Variants in HNF4G observed in about 807,000 individuals in gnomAD.
The protein encoded by HNF4G is hepatocyte nuclear factor 4 gamma.
HNF4G carries 21 observed loss-of-function variants against 50.9 expected under a neutral mutation model. That is an observed-to-expected ratio of 0.41 (90% CI 0.29 to 0.59). The LOEUF is 0.59. HNF4G is among the 20% of genes least tolerant of loss of function. HNF4G has a pLI of 0.26. For synonymous variants in HNF4G, 198 were observed against 185.6 expected (o/e 1.07, Z -0.54); for missense variants, 527 against 559.4 (o/e 0.94, Z 0.58).
At chr8:75,422,745 T>C (rs1168683080) in intron 1 of HNF4G, among the ~76,000 whole-genome samples, 1 of 152,102 alleles carries the variant, frequency 6.6e-6, no homozygotes. Context: ...GCCATTCTCC[T>C]GACTCAGCCT....
rs1807426755 is a variant in HNF4G at position 75,565,196 on chromosome 8, A to C, written c.*1100A>C. 1 of 152,206 alleles carries C rather than the reference A, an allele frequency of 6.6e-6. No individual in the cohort carries two copies. The highest frequency in any genetic ancestry group is 6.5e-5 in the Admixed American group (1 of 15,274). The allele number at this position is 152,206 out of a possible 1,614,324, so 9.4% of individuals were successfully genotyped here. A position where few individuals can be genotyped will look rare whatever the true frequency, so the allele number is the denominator to read the frequency against. On this transcript the variant is annotated 3_prime_UTR_variant, in exon 10 of 10. Transcript: ENST00000396423. ...TTTAATGAATCTTTGGTGTGGAATG[A>C]AAAATGTGAACTTCTTACTCATAGT...
intron 2 of HNF4G, among the ~76,000 whole-genome samples, chr8:75,519,640 A>G (rs1331556529): frequency 6.6e-6 from 1 of 152,182 alleles, no homozygotes; most frequent in South Asian, 2.1e-4. Context: ...ACCAACCCCT[A>G]TGATTCAATT....
intron 2 of HNF4G, among the ~76,000 whole-genome samples, chr8:75,494,419 A>G (rs1294188090): frequency 6.6e-6 from 1 of 152,000 alleles, no homozygotes; most frequent in African/African-American, 2.4e-5. Flanking sequence ...AGTCATTTTT[A>G]TTGCCTGAAA....
At chr8:75,538,320 C>T (rs1178686577), upstream of HNF4G, among the ~76,000 whole-genome samples, 1 of 152,200 alleles carries the variant, frequency 6.6e-6, no homozygotes, top group African/African-American at 2.4e-5. Context: ...CCCGCGGGAA[C>T]AGACTAGGGT....
intron 1 of HNF4G, among the ~76,000 whole-genome samples, chr8:75,423,430 A>C (rs1278522785): frequency 7.2e-6 from 1 of 139,288 alleles, no homozygotes; most frequent in Non-Finnish European, 1.5e-5. Flanking sequence ...GTGCACTGCA[A>C]CCTCAACTTC....
intron 2 of HNF4G, among the ~76,000 whole-genome samples, chr8:75,527,642 C>T (rs1806218637): frequency 6.6e-6 from 1 of 152,134 alleles, no homozygotes; most frequent in African/African-American, 2.4e-5. Flanking sequence ...ATATTTAAGC[C>T]ATTAGTAAAT....
At chr8:75,514,688 A>AT (rs1805847452) in intron 2 of HNF4G, among the ~76,000 whole-genome samples, 1 of 151,870 alleles carries the variant, frequency 6.6e-6, no homozygotes, top group South Asian at 2.1e-4. Context: ...ATAGGTTTTC[A>AT]TTTTTTAAAT....
intron 7 of HNF4G, 25 bp downstream of exon 7, chr8:75,558,695 G>T (rs779172039): frequency 3.1e-6 from 5 of 1,597,310 alleles, no homozygotes; most frequent in Non-Finnish European, 2.6e-6. Flanking sequence ...TTCCACTAGA[G>T]AATTAATATA....
At chr8:75,483,689 G>T (rs1253788514) in intron 1 of HNF4G, among the ~76,000 whole-genome samples, 1 of 152,104 alleles carries the variant, frequency 6.6e-6, no homozygotes, top group Admixed American at 6.6e-5. Flanking sequence ...TAAATGAAAG[G>T]TCCGCTCTCT....
Position 75,566,310 on chromosome 8 carries a change from T to A in HNF4G, c.*2214T>A, listed in dbSNP as rs903629092. The A allele has an allele frequency of 1.3e-5, 2 of 152,138 alleles. No individual in the cohort carries two copies. Among genetic ancestry groups the A allele is most frequent in the Non-Finnish European group, 2.9e-5 (2 of 68,010 alleles). The allele number at this position is 152,138 out of a possible 1,614,324, so 9.4% of individuals were successfully genotyped here. On this transcript the variant is annotated 3_prime_UTR_variant, in exon 10 of 10. Coordinates refer to ENST00000396423, the MANE Select transcript of HNF4G (RefSeq NM_004133.5). ...ACCCTCCAAAGGCCCCACCTCCTAA[T>A]ACCATCACTCTGGGGACTAGGTGTC...
chr8:75,525,833 A>C (rs1806162977), intron 2 of HNF4G, among the ~76,000 whole-genome samples: 1 of 152,230 alleles, frequency 6.6e-6, no homozygotes, highest in African/African-American at 2.4e-5. Context: ...TGAGATTCCA[A>C]AGGAAAATTA....
chr8:75,512,021 C>A (rs1294378194), intron 2 of HNF4G, among the ~76,000 whole-genome samples: 2 of 152,032 alleles, frequency 1.3e-5, no homozygotes, highest in Non-Finnish European at 2.9e-5. Context: ...CAGAGGAATA[C>A]AATAGATAAT....
At chr8:75,554,564 T>G (rs1299403953) in intron 5 of HNF4G, among the ~76,000 whole-genome samples, 3 of 152,260 alleles carry the variant, frequency 2.0e-5, no homozygotes, top group Non-Finnish European at 4.4e-5. Context: ...ATTTTACAGT[T>G]TCTAAAACTG....
intron 1 of HNF4G, among the ~76,000 whole-genome samples, chr8:75,446,966 A>G (rs1159972963): frequency 2.1e-5 from 3 of 144,366 alleles, no homozygotes; most frequent in Non-Finnish European, 3.0e-5. Flanking sequence ...AAGAGCCCGC[A>G]TCGCCAAGCC....
chr8:75,508,236 C>T (rs1805648919), intron 2 of HNF4G, among the ~76,000 whole-genome samples: 1 of 151,986 alleles, frequency 6.6e-6, no homozygotes, highest in Non-Finnish European at 1.5e-5. Context: ...CTCTCTGGCT[C>T]CAAGAAGAAC....
chr8:75,553,235 T>C, intron 5 of HNF4G, 38 bp downstream of exon 5: 1 of 1,533,478 alleles, frequency 6.5e-7, no homozygotes, highest in Non-Finnish European at 9.0e-7. Context: ...TTAAAAATGC[T>C]TCTTGAACTT....
chr8:75,477,224 A>G (rs1227862596), intron 1 of HNF4G, among the ~76,000 whole-genome samples: 1 of 152,194 alleles, frequency 6.6e-6, no homozygotes, highest in Non-Finnish European at 1.5e-5. Flanking sequence ...ATTTGACTTG[A>G]TATATGTATA....
intron 2 of HNF4G, among the ~76,000 whole-genome samples, chr8:75,533,081 C>T (rs945040649): frequency 3.3e-5 from 5 of 152,092 alleles, no homozygotes; most frequent in Non-Finnish European, 1.5e-5. Flanking sequence ...GCATTTGACA[C>T]ATAAAATGTA....
At chr8:75,540,851 ATGTGTGTGTG>A (rs56799230) in intron 1 of HNF4G, among the ~76,000 whole-genome samples, 1 of 146,374 alleles carries the variant, frequency 6.8e-6, no homozygotes, top group Non-Finnish European at 1.5e-5. Context: ...GAAAATGTGT[ATGTGTGTGTG>A]TGTGTGTGTG....
Sources: allele counts gnomAD v4.1 joint callset (sites outside exome capture counted in the v4.1 genomes callset), GRCh38; gene constraint gnomAD v4.1.1; transcripts MANE v1.5; gene names NCBI Gene and HGNC (gene_info 2026-07-23, HGNC 2026-07-21).